SLC24A4: variants seen among roughly 807,000 people sequenced by gnomAD.
The protein encoded by SLC24A4 is solute carrier family 24 member 4.
A neutral mutation model predicts 79.0 loss-of-function variants in SLC24A4; 53 were observed. The observed-to-expected ratio is 0.67, with a 90% CI of 0.54 to 0.84. The LOEUF (loss-of-function observed/expected upper bound fraction) is 0.84, where lower values mean the gene tolerates loss of function less well. Among genes scored for constraint, SLC24A4 ranks in the 40% least tolerant of loss-of-function variants. SLC24A4 has a pLI of 0.00. For synonymous variants in SLC24A4, 323 were observed against 323.8 expected, an observed-to-expected ratio of 1.00 and a Z score of 0.03; for missense variants, 731 against 822.0, an observed-to-expected ratio of 0.89 and a Z score of 1.35.
Position 92,325,262 on chromosome 14 carries a change from GT to G in SLC24A4, c.131-603del, listed in dbSNP as rs796364373. On this transcript the variant is annotated intron_variant, in intron 1 of 16. Transcript: ENST00000532405. ...GCTGGATCAGGAATTACCTTTAGGA[GT>G]TTAAGTGTGCTTGGTTGCGGGCCTC... 3.3e-5 allele frequency among the ~76,000 whole-genome samples: 5 copies of G among 152,376 alleles called. No homozygotes were observed. The South Asian group carries it at 1.0e-3, about 32-fold the overall frequency.
At chr14:92,415,243 C>G (rs1274401759) in intron 2 of SLC24A4, among the ~76,000 whole-genome samples, 1 of 152,138 alleles carries the variant, frequency 6.6e-6, no homozygotes, top group African/African-American at 2.4e-5. Context: ...GGCCTCCTGC[C>G]AGTGCATTCC....
At chr14:92,355,664 G>GA (rs1887139365) in intron 2 of SLC24A4, among the ~76,000 whole-genome samples, 1 of 152,180 alleles carries the variant, frequency 6.6e-6, no homozygotes, top group Non-Finnish European at 1.5e-5. Flanking sequence ...TGCCGGGCCT[G>GA]GGGTGCTGCC....
At chr14:92,447,560 C>T (rs2139824846) in intron 9 of SLC24A4, 136 bp downstream of exon 9, 1 of 818,434 alleles carries the variant, frequency 1.2e-6, no homozygotes, top group Non-Finnish European at 2.0e-6. Context: ...TGGTAGACAC[C>T]CTGCTGGGGG....
chr14:92,400,052 G>A (rs1890013819), intron 2 of SLC24A4, among the ~76,000 whole-genome samples: 2 of 152,126 alleles, frequency 1.3e-5, no homozygotes, highest in African/African-American at 4.8e-5. Context: ...ACTGTGCCTA[G>A]CCAGGGCACA....
intron 2 of SLC24A4, among the ~76,000 whole-genome samples, chr14:92,382,030 C>T (rs971526561): frequency 2.0e-5 from 3 of 151,882 alleles, no homozygotes; most frequent in Admixed American, 1.3e-4. Context: ...CGATTCAAAC[C>T]CACCATCTTT....
intron 2 of SLC24A4, among the ~76,000 whole-genome samples, chr14:92,412,143 G>A (rs1043281532): frequency 6.6e-6 from 1 of 152,190 alleles, no homozygotes; most frequent in Non-Finnish European, 1.5e-5. Context: ...TTGGGGTTTG[G>A]CAGGAAGAAA....
chr14:92,459,336 A>AGGG (rs951702983), intron 12 of SLC24A4, among the ~76,000 whole-genome samples: 15 of 152,176 alleles, frequency 9.9e-5, no homozygotes, highest in African/African-American at 3.4e-4. Flanking sequence ...GTCACTTCCC[A>AGGG]GGGTCAGAGG....
chr14:92,329,305 T>C (rs2141592731), intron 2 of SLC24A4, among the ~76,000 whole-genome samples: 1 of 152,370 alleles, frequency 6.6e-6, no homozygotes, highest in South Asian at 2.1e-4. Context: ...CTGTGCCTTC[T>C]CATGCTCATC....
rs566949586 is a variant in SLC24A4, at chr14:92,490,598, A to T, written c.1538-1067A>T. The stretch of plus-strand genomic sequence containing the variant: ...CAAGGCTTGGTAAAAAGGATGCTGT[A>T]CCAGGGGACCTTGGGCCGCCTGCAA... On this transcript the variant is annotated intron_variant, in intron 14 of 16. Transcript: ENST00000532405. The surrounding 1 kb of genome is among the most constrained non-coding windows in gnomAD (Gnocchi z 4.3). Among the ~76,000 whole-genome samples the T allele has an allele frequency of 1.3e-5, 2 of 152,338 alleles. No homozygotes were observed. Among genetic ancestry groups the T allele is most frequent in the South Asian group, 4.1e-4 (2 of 4,832 alleles).
intron 2 of SLC24A4, among the ~76,000 whole-genome samples, chr14:92,414,267 C>T (rs1481149426): frequency 1.3e-5 from 2 of 152,158 alleles, no homozygotes; most frequent in East Asian, 1.9e-4. Context: ...AGCACCCCTC[C>T]CCCGGTTGTG....
At chr14:92,324,514 G>A (rs1048723051) in intron 1 of SLC24A4, among the ~76,000 whole-genome samples, 1 of 152,242 alleles carries the variant, frequency 6.6e-6, no homozygotes, top group African/African-American at 2.4e-5. Context: ...TCCCACGGAG[G>A]GAGAAGGCGG....
intron 2 of SLC24A4, among the ~76,000 whole-genome samples, chr14:92,343,645 T>TCCC (rs1491111810): frequency 1.8e-5 from 1 of 55,226 alleles, no homozygotes; most frequent in African/African-American, 5.5e-5. Context: ...TCTTTCTCTC[T>TCCC]TTCCTTCTTT....
At position 92,460,169 on chromosome 14, in the gene SLC24A4, G is replaced by A. The variant is rs371796458; in HGVS notation, c.1255+3561G>A. ...GTTGTGAAGGACAAGCTGGGAGGCC[G>A]GCTCTGGAGTGCAGGAATCCTGGGT... is the stretch of plus-strand genomic sequence containing the variant. On this transcript the variant is annotated intron_variant, in intron 12 of 16. Coordinates refer to ENST00000532405, the MANE Select transcript of SLC24A4 (RefSeq NM_153646.4). 1.7e-4 allele frequency among the ~76,000 whole-genome samples: 26 copies of A among 152,188 alleles called. 1 individual carries two copies. In the East Asian group the frequency reaches 2.7e-3, roughly 16 times the overall value.
chr14:92,359,046 CGG>C, intron 2 of SLC24A4, among the ~76,000 whole-genome samples: 1 of 152,240 alleles, frequency 6.6e-6, no homozygotes, highest in African/African-American at 2.4e-5. Context: ...TCATTTCTAA[CGG>C]ATTCTAGGGT....
chr14:92,371,835 C>T (rs769601031), intron 2 of SLC24A4, among the ~76,000 whole-genome samples: 11 of 152,254 alleles, frequency 7.2e-5, no homozygotes, highest in Non-Finnish European at 1.3e-4. Context: ...AGGTCTGTTC[C>T]ATGGGTGGCC....
At chr14:92,448,422 C>T (rs1349412512) in intron 9 of SLC24A4, among the ~76,000 whole-genome samples, 1 of 148,620 alleles carries the variant, frequency 6.7e-6, no homozygotes, top group Non-Finnish European at 1.5e-5. Flanking sequence ...GTTCATCTTC[C>T]TCCTCATACC....
intron 14 of SLC24A4, among the ~76,000 whole-genome samples, chr14:92,489,147 T>C (rs528454423): frequency 6.6e-6 from 1 of 151,718 alleles, no homozygotes; most frequent in African/African-American, 2.4e-5. Flanking sequence ...TGGTTAAAAA[T>C]AGCTTCCTGG....
intron 12 of SLC24A4, among the ~76,000 whole-genome samples, chr14:92,479,528 A>G (rs561533015): frequency 1.4e-4 from 22 of 152,354 alleles, no homozygotes; most frequent in Non-Finnish European, 1.8e-4. Context: ...TATATGTTAA[A>G]TCAAGCTTTC....
intron 2 of SLC24A4, among the ~76,000 whole-genome samples, chr14:92,343,866 C>T (rs1595141070): frequency 1.3e-5 from 2 of 152,040 alleles, no homozygotes; most frequent in East Asian, 3.9e-4. Flanking sequence ...CTACACCCAG[C>T]TAATTTTTGT....
Sources: gnomAD v4.1 joint callset for allele counts (sites outside exome capture counted in the v4.1 genomes callset) on GRCh38, gnomAD v4.1.1 for gene constraint, Gnocchi (gnomAD v3.1) non-coding constraint, MANE v1.5 for transcripts, NCBI Gene and HGNC (gene_info 2026-07-23, HGNC 2026-07-21) for gene names.